MAF: variants seen among roughly 807,000 people sequenced by gnomAD.
The protein encoded by MAF is MAF bZIP transcription factor.
MAF carries 10 observed loss-of-function variants against 22.0 expected under a neutral mutation model. That is an observed-to-expected ratio of 0.45 (90% CI 0.28 to 0.77). The LOEUF (loss-of-function observed/expected upper bound fraction) is 0.77, where lower values mean the gene tolerates loss of function less well. MAF is among the 30% of genes least tolerant of loss of function. MAF has a pLI of 0.12. For missense variants in MAF, 544 were observed against 548.4 expected (o/e 0.99, Z 0.08); for synonymous variants, 337 against 255.8 (o/e 1.32, Z -3.03).
At chr16:79,323,182 A>AG in the MAF span, among the ~76,000 whole-genome samples, 1 of 137,762 alleles carries the variant, frequency 7.3e-6, no homozygotes, top group Non-Finnish European at 1.6e-5. Flanking sequence ...AAAAAAAAAA[A>AG]AAAAGGCAAA....
the MAF span, among the ~76,000 whole-genome samples, chr16:79,356,401 G>A: frequency 6.6e-5 from 10 of 152,096 alleles, no homozygotes; most frequent in East Asian, 1.9e-4. Flanking sequence ...CCAATGCAGC[G>A]CTTTTCTGGG....
chr16:79,459,957 G>A, the MAF span, among the ~76,000 whole-genome samples: 10 of 152,148 alleles, frequency 6.6e-5, no homozygotes, highest in African/African-American at 2.2e-4. Flanking sequence ...TCAAGGAAGC[G>A]TATTTGCTGG....
chr16:79,216,172 C>CAT, the MAF span, among the ~76,000 whole-genome samples: 16,135 of 147,274 alleles, frequency 0.11, 1,628 homozygotes, highest in African/African-American at 0.3. Context: ...ATGTCGTGCA[C>CAT]GTGTATATGT....
chr16:79,377,335 G>C, the MAF span, among the ~76,000 whole-genome samples: 1 of 152,190 alleles, frequency 6.6e-6, no homozygotes, highest in Non-Finnish European at 1.5e-5. Flanking sequence ...CTTTTGAGAA[G>C]TGTCTGTTCA....
At chr16:79,386,323 T>C in the MAF span, among the ~76,000 whole-genome samples, 2 of 152,134 alleles carry the variant, frequency 1.3e-5, no homozygotes, top group African/African-American at 2.4e-5. Context: ...CTGGGGGTGA[T>C]GGGAGACAGT....
chr16:79,275,165 G>C, the MAF span, among the ~76,000 whole-genome samples: 2 of 152,068 alleles, frequency 1.3e-5, no homozygotes, highest in African/African-American at 2.4e-5. Flanking sequence ...AGACCAGCTT[G>C]GCCAACATGG....
chr16:79,544,892 A>G, the MAF span, among the ~76,000 whole-genome samples: 3 of 152,144 alleles, frequency 2.0e-5, no homozygotes, highest in African/African-American at 7.2e-5. Context: ...TCACAGAAAG[A>G]GGTGCTAACC....
the MAF span, among the ~76,000 whole-genome samples, chr16:79,486,078 G>T: frequency 6.6e-6 from 1 of 152,168 alleles, no homozygotes; most frequent in African/African-American, 2.4e-5. Context: ...TAATAAACCT[G>T]ATTACGGAGT....
the MAF span, among the ~76,000 whole-genome samples, chr16:79,297,763 C>T: frequency 1.3e-5 from 2 of 152,168 alleles, no homozygotes; most frequent in Non-Finnish European, 2.9e-5. Context: ...TGTGGGGCTG[C>T]GTGCCATTGG....
At chr16:79,559,885 T>C in the MAF span, among the ~76,000 whole-genome samples, 1 of 152,188 alleles carries the variant, frequency 6.6e-6, no homozygotes, top group Non-Finnish European at 1.5e-5. Flanking sequence ...ATTTGTGTTG[T>C]GTTGTGTTTC....
downstream of MAF, among the ~76,000 whole-genome samples, chr16:79,591,939 G>T (rs79834043): frequency 0.045 from 6,809 of 151,696 alleles, 183 homozygotes; most frequent in South Asian, 0.11. Flanking sequence ...CCCCAAAATT[G>T]TTTTCAAAAA....
chr16:79,215,563 G>A, the MAF span, among the ~76,000 whole-genome samples: 2 of 152,098 alleles, frequency 1.3e-5, no homozygotes, highest in African/African-American at 4.8e-5. Flanking sequence ...CCGTGTCTAG[G>A]GCCTCTATGC....
the MAF span, among the ~76,000 whole-genome samples, chr16:79,287,441 G>A: frequency 6.6e-6 from 1 of 152,200 alleles, no homozygotes; most frequent in African/African-American, 2.4e-5. Context: ...GGAAGCTTGA[G>A]GACCAGCAGC....
the MAF span, among the ~76,000 whole-genome samples, chr16:79,482,532 G>C: frequency 6.6e-6 from 1 of 152,170 alleles, no homozygotes; most frequent in Non-Finnish European, 1.5e-5. Flanking sequence ...AGCACAATCT[G>C]ATGAGGAAGT....
chr16:79,414,930 G>A, the MAF span, among the ~76,000 whole-genome samples: 1 of 152,144 alleles, frequency 6.6e-6, no homozygotes, highest in Non-Finnish European at 1.5e-5. Flanking sequence ...CATGTCATAG[G>A]GTGTCCCCAA....
At chr16:79,294,059 A>T in the MAF span, among the ~76,000 whole-genome samples, 1 of 152,332 alleles carries the variant, frequency 6.6e-6, no homozygotes, top group Non-Finnish European at 1.5e-5. Context: ...GGTAATTAAG[A>T]TTCCATCACA....
chr16:79,531,110 C>A, the MAF span, among the ~76,000 whole-genome samples: 1 of 152,162 alleles, frequency 6.6e-6, no homozygotes, highest in Non-Finnish European at 1.5e-5. Flanking sequence ...TCTTAACTTT[C>A]TAGATGAAAA....
At chr16:79,229,003 ATTC>A in the MAF span, among the ~76,000 whole-genome samples, 2 of 151,754 alleles carry the variant, frequency 1.3e-5, no homozygotes, top group South Asian at 2.1e-4. Flanking sequence ...TCAGAGCACA[ATTC>A]TTCTTGGAGC....
the MAF span, among the ~76,000 whole-genome samples, chr16:79,429,621 G>C: frequency 6.6e-6 from 1 of 152,148 alleles, no homozygotes; most frequent in South Asian, 2.1e-4. Flanking sequence ...GCAAAGTTGA[G>C]CTCCTTGTCC....
Sources: allele counts gnomAD v4.1 joint callset (sites outside exome capture counted in the v4.1 genomes callset), GRCh38; gene constraint gnomAD v4.1.1; transcripts MANE v1.5; gene names NCBI Gene and HGNC (gene_info 2026-07-23, HGNC 2026-07-21).